Variants in GRIN2B observed in about 807,000 individuals in gnomAD.
The protein encoded by GRIN2B is glutamate ionotropic receptor NMDA type subunit 2B.
GRIN2B carries 5 observed loss-of-function variants against 114.5 expected under a neutral mutation model. The observed-to-expected ratio is 0.04, with a 90% CI of 0.02 to 0.09. The LOEUF (loss-of-function observed/expected upper bound fraction) is 0.09, where lower values mean the gene tolerates loss of function less well. GRIN2B is among the 10% of genes least tolerant of loss of function. The pLI is 1.00. For synonymous variants in GRIN2B, 787 were observed against 745.1 expected (o/e 1.06, Z -0.92); for missense variants, 1,108 against 1,943.5 (o/e 0.57, Z 8.08).
At chr12:13,668,351 T>C (rs994373452) in intron 5 of GRIN2B, among the ~76,000 whole-genome samples, 1 of 152,184 alleles carries the variant, frequency 6.6e-6, no homozygotes, top group Non-Finnish European at 1.5e-5. Context: ...ATTCCCCCAA[T>C]ACATCCTGCT....
chr12:13,832,512 A>G (rs1346780771), intron 3 of GRIN2B, among the ~76,000 whole-genome samples: 1 of 152,172 alleles, frequency 6.6e-6, no homozygotes, highest in Non-Finnish European at 1.5e-5. Context: ...TTGCCACCCT[A>G]TTCTCAGTGT....
At chr12:13,914,668 C>T (rs961623362) in intron 2 of GRIN2B, among the ~76,000 whole-genome samples, 21 of 152,240 alleles carry the variant, frequency 1.4e-4, no homozygotes, top group African/African-American at 5.1e-4. Context: ...CTGGAATCAA[C>T]CTAAATGCCC....
chr12:13,753,743 A>G lies in GRIN2B; in HGVS notation c.584T>C (p.Val195Ala). The G allele has an allele frequency of 6.2e-7, 1 of 1,614,202 alleles. No individual in the cohort carries two copies. Among genetic ancestry groups the G allele is most frequent in the Non-Finnish European group, 8.5e-7 (1 of 1,180,028 alleles). Residue 195 changes from valine to alanine, a missense_variant, in exon 4 of 14, where the codon GTG becomes GCG. Coordinates refer to ENST00000609686, the MANE Select transcript of GRIN2B (RefSeq NM_000834.5). The surrounding 1 kb of genome is among the most constrained non-coding windows in gnomAD (Gnocchi z 6.2). ...GAGGACCTCCTCTAGCTCCCAGCCCACAAAGCTATTCTCAATGGTGCTGCG... is the reference window on the plus strand; with the variant it reads ...GAGGACCTCCTCTAGCTCCCAGCCCGCAAAGCTATTCTCAATGGTGCTGCG... ...KIRSTIENSF[V>A]GWELEEVLLL... is the part of the protein sequence containing the mutation.
chr12:13,793,138 G>A (rs994675978), intron 3 of GRIN2B, among the ~76,000 whole-genome samples: 6 of 151,964 alleles, frequency 3.9e-5, no homozygotes, highest in Non-Finnish European at 8.8e-5. Flanking sequence ...CAGGCACAGT[G>A]GCTCACGCCT....
chr12:13,751,460 T>A (rs1457422282), intron 4 of GRIN2B, among the ~76,000 whole-genome samples: 1 of 152,060 alleles, frequency 6.6e-6, no homozygotes, highest in Non-Finnish European at 1.5e-5. Flanking sequence ...GTAGGAGAGA[T>A]GAAAACAAGA....
rs140807178 is a variant in GRIN2B, at chr12:13,837,913, G to A, written c.411+27885C>T. On this transcript the variant is annotated intron_variant, in intron 3 of 13. Coordinates refer to ENST00000609686, the MANE Select transcript of GRIN2B (RefSeq NM_000834.5). ...AGCTCCTACCTCCCTGCCTCCCTAGGAGCGGCCATGGGCACACTGCGTTTC... is the reference window on the plus strand; with the variant it reads ...AGCTCCTACCTCCCTGCCTCCCTAGAAGCGGCCATGGGCACACTGCGTTTC... Among the ~76,000 whole-genome samples the A allele has an allele frequency of 4.8e-3, 730 of 152,266 alleles. 3 individuals are homozygous for A. The highest frequency in any genetic ancestry group is 0.012 in the South Asian group (57 of 4,812).
At chr12:13,872,747 G>A (rs377754281) in intron 2 of GRIN2B, among the ~76,000 whole-genome samples, 71 of 152,204 alleles carry the variant, frequency 4.7e-4, no homozygotes, top group African/African-American at 1.6e-3. Flanking sequence ...TCAAGAGATC[G>A]TCAGCCTTTA....
intron 10 of GRIN2B, among the ~76,000 whole-genome samples, chr12:13,578,714 A>G (rs1441512482): frequency 6.6e-6 from 1 of 152,252 alleles, no homozygotes; most frequent in Non-Finnish European, 1.5e-5. Flanking sequence ...GGAAACACAG[A>G]TAATTTCAAA....
intron 5 of GRIN2B, among the ~76,000 whole-genome samples, chr12:13,653,531 G>A (rs1307830948): frequency 6.6e-6 from 1 of 151,936 alleles, no homozygotes; most frequent in Admixed American, 6.6e-5. Flanking sequence ...AAAGATGGAA[G>A]GTAAGGGGAG....
Position 13,620,561 on chromosome 12 carries a change from A to ATTT in GRIN2B, c.1126-3907_1126-3905dup, listed in dbSNP as rs536314668. 2.3e-4 allele frequency among the ~76,000 whole-genome samples: 35 copies of ATTT among 152,256 alleles called. No homozygotes were observed. The South Asian group carries it at 7.1e-3, about 31-fold the overall frequency. ...ATGGTATCTACCACCTTCTTTAATG[A>ATTT]TTTTTTAAATGTTCCAAGTGATTGT... On this transcript the variant is annotated intron_variant, in intron 5 of 13. Transcript: ENST00000609686.
chr12:13,929,365 A>G (rs1268652126), intron 2 of GRIN2B, among the ~76,000 whole-genome samples: 1 of 152,040 alleles, frequency 6.6e-6, no homozygotes, highest in Non-Finnish European at 1.5e-5. Context: ...AAAATACAGT[A>G]TGTGATCACC....
intron 2 of GRIN2B, 133 bp downstream of exon 2, chr12:13,979,795 T>C (rs76540890): frequency 2.0e-5 from 3 of 152,116 alleles, no homozygotes; most frequent in East Asian, 1.9e-4. Flanking sequence ...AAGCCTTTTT[T>C]CCCAAAACAG....
intron 10 of GRIN2B, among the ~76,000 whole-genome samples, chr12:13,599,133 G>C (rs1949117520): frequency 6.6e-6 from 1 of 152,176 alleles, no homozygotes; most frequent in African/African-American, 2.4e-5. Flanking sequence ...AAACATCCGA[G>C]ACTATAGTGT....
At chr12:13,646,176 T>A (rs1168414240) in intron 5 of GRIN2B, among the ~76,000 whole-genome samples, 2 of 152,118 alleles carry the variant, frequency 1.3e-5, no homozygotes, top group Non-Finnish European at 2.9e-5. Flanking sequence ...TTACAAAAAG[T>A]AATTCAAAGA....
chr12:13,627,564 G>T (rs879775805), intron 5 of GRIN2B, among the ~76,000 whole-genome samples: 4 of 152,178 alleles, frequency 2.6e-5, no homozygotes, highest in Admixed American at 2.6e-4. Context: ...AAGTAAGTTG[G>T]GTTGCAAGTG....
intron 4 of GRIN2B, among the ~76,000 whole-genome samples, chr12:13,721,352 TA>T (rs965341814): frequency 2.9e-4 from 44 of 151,146 alleles, no homozygotes; most frequent in East Asian, 1.8e-3. Flanking sequence ...CTGATTTCCT[TA>T]AAAAAAAAAA....
rs1312630490 is a variant in GRIN2B, at chr12:13,795,080, G to A, written c.412-41165C>T. ...AAAGCCCAGCTCTGCTCACTCATGA[G>A]AATTCAGAATGACTAGGATACATAA... On this transcript the variant is annotated intron_variant, in intron 3 of 13. Coordinates refer to ENST00000609686, the MANE Select transcript of GRIN2B (RefSeq NM_000834.5). Among the ~76,000 whole-genome samples the A allele has an allele frequency of 3.9e-5, 6 of 152,178 alleles. No homozygotes were observed. The East Asian group carries it at 1.2e-3, about 29-fold the overall frequency.
At chr12:13,726,821 G>A (rs935275159) in intron 4 of GRIN2B, among the ~76,000 whole-genome samples, 1 of 151,654 alleles carries the variant, frequency 6.6e-6, no homozygotes, top group African/African-American at 2.4e-5. Flanking sequence ...ACCCGCCTCC[G>A]ACCCTTTCCG....
intron 3 of GRIN2B, among the ~76,000 whole-genome samples, chr12:13,792,140 C>A (rs1488863938): frequency 6.6e-6 from 1 of 152,262 alleles, no homozygotes; most frequent in African/African-American, 2.4e-5. Context: ...CAAGGGCAGC[C>A]ACTGGCCATT....
Sources: gnomAD v4.1 joint callset for allele counts (sites outside exome capture counted in the v4.1 genomes callset) on GRCh38, gnomAD v4.1.1 for gene constraint, Gnocchi (gnomAD v3.1) non-coding constraint, MANE v1.5 for transcripts, NCBI Gene and HGNC (gene_info 2026-07-23, HGNC 2026-07-21) for gene names.